The following NRCAM variants were observed in gnomAD, a reference collection of about 807,000 sequenced individuals.
The protein encoded by NRCAM is neuronal cell adhesion molecule, also known as NgCAM-related cell adhesion molecule.
Under a neutral mutation model 156.5 loss-of-function variants are expected in NRCAM, and 83 were observed. That is an observed-to-expected ratio of 0.53 (90% confidence interval 0.44 to 0.64). The LOEUF is 0.64. Among genes scored for constraint, NRCAM ranks in the 30% least tolerant of loss-of-function variants. NRCAM has a pLI of 0.00. For synonymous variants in NRCAM, 538 were observed against 563.9 expected, an observed-to-expected ratio of 0.95 and a Z score of 0.65; for missense variants, 1,417 against 1,597.3, an observed-to-expected ratio of 0.89 and a Z score of 1.92.
chr7:108,415,858 G>A (rs1230947438), intron 1 of NRCAM, among the ~76,000 whole-genome samples: 3 of 152,080 alleles, frequency 2.0e-5, no homozygotes, highest in Admixed American at 1.3e-4. Flanking sequence ...CTCCAGCCTG[G>A]GCAGCAAGAG....
At chr7:108,277,308 T>C (rs900097693) in intron 3 of NRCAM, among the ~76,000 whole-genome samples, 6 of 152,320 alleles carry the variant, frequency 3.9e-5, no homozygotes, top group Admixed American at 3.9e-4. Context: ...GAAGTTCTCC[T>C]GGATAATACC....
chr7:108,306,566 AAGT>A (rs1424541040), intron 3 of NRCAM, among the ~76,000 whole-genome samples: 1 of 152,198 alleles, frequency 6.6e-6, no homozygotes, highest in Non-Finnish European at 1.5e-5. Context: ...AAAGTTTTTA[AAGT>A]AGTAGTAGAA....
chr7:108,295,937 T>A (rs557650751), intron 3 of NRCAM, among the ~76,000 whole-genome samples: 78 of 152,238 alleles, frequency 5.1e-4, no homozygotes, highest in Non-Finnish European at 1.0e-3. Flanking sequence ...GCTTTGTATA[T>A]GGGGGGTTCT....
At chr7:108,402,805 G>A (rs1055323774) in intron 1 of NRCAM, among the ~76,000 whole-genome samples, 1 of 152,214 alleles carries the variant, frequency 6.6e-6, no homozygotes, top group African/African-American at 2.4e-5. Context: ...GCTGGTGGAT[G>A]ACCCAGGAGG....
chr7:108,197,537 A>T (rs1290215299), intron 14 of NRCAM, among the ~76,000 whole-genome samples: 2 of 152,170 alleles, frequency 1.3e-5, no homozygotes, highest in East Asian at 3.8e-4. Flanking sequence ...ATAAATGTAC[A>T]TCTGTGACAT....
chr7:108,358,279 C>T lies in NRCAM; in HGVS notation c.-174+41157G>A, dbSNP rs368865925. The stretch of plus-strand genomic sequence containing the variant: ...AAAAAAAAAGGCCTGACAGTGCATG[C>T]CTGTAGTCCCAGCTACTCGGGAGGC... On this transcript the variant is annotated intron_variant, in intron 2 of 32. Coordinates refer to ENST00000379028, the MANE Select transcript of NRCAM (RefSeq NM_001037132.4). Among the ~76,000 whole-genome samples, 32 of 150,344 alleles carry T rather than the reference C, an allele frequency of 2.1e-4. 2 individuals carry two copies. The East Asian group carries it at 5.1e-3, about 24-fold the overall frequency.
At chr7:108,306,934 G>A (rs1348333164) in intron 3 of NRCAM, among the ~76,000 whole-genome samples, 4 of 152,100 alleles carry the variant, frequency 2.6e-5, no homozygotes, top group Non-Finnish European at 4.4e-5. Flanking sequence ...CTTTTGAAAA[G>A]AATAAAAATA....
At chr7:108,331,652 T>C (rs2099128451) in intron 2 of NRCAM, among the ~76,000 whole-genome samples, 1 of 152,194 alleles carries the variant, frequency 6.6e-6, no homozygotes, top group Non-Finnish European at 1.5e-5. Context: ...ATGTAAGTAT[T>C]TCTTTTAAAT....
intron 2 of NRCAM, among the ~76,000 whole-genome samples, chr7:108,373,769 T>G (rs962452589): frequency 6.6e-6 from 1 of 152,074 alleles, no homozygotes; most frequent in Non-Finnish European, 1.5e-5. Flanking sequence ...GGTGTGTAAG[T>G]GGGTGGGCAA....
At chr7:108,230,878 G>T (rs79360208) in intron 8 of NRCAM, among the ~76,000 whole-genome samples, 153 bp downstream of exon 8, 2,318 of 152,280 alleles carry the variant, frequency 0.015, 51 homozygotes, top group African/African-American at 0.053. Context: ...AATTGAGTGA[G>T]TGAATGAGAT....
intron 24 of NRCAM, 30 bp downstream of exon 24, chr7:108,181,792 T>C: frequency 2.0e-6 from 3 of 1,508,738 alleles, no homozygotes; most frequent in South Asian, 2.3e-5. Context: ...CCTTACTAAA[T>C]AAAGCCACAA....
At chr7:108,313,721 A>G (rs1185257852) in intron 2 of NRCAM, among the ~76,000 whole-genome samples, 1 of 152,218 alleles carries the variant, frequency 6.6e-6, no homozygotes, top group Non-Finnish European at 1.5e-5. Context: ...TTTTATCAGG[A>G]CAAAATATTA....
At chr7:108,393,524 G>A (rs551907469) in intron 2 of NRCAM, among the ~76,000 whole-genome samples, 93 of 152,272 alleles carry the variant, frequency 6.1e-4, no homozygotes, top group African/African-American at 2.2e-3. Flanking sequence ...CTGACCCCTT[G>A]CGCTTCCCAG....
intron 11 of NRCAM, among the ~76,000 whole-genome samples, chr7:108,212,613 C>A (rs932984320): frequency 6.6e-6 from 1 of 152,140 alleles, no homozygotes; most frequent in Admixed American, 6.5e-5. Flanking sequence ...TCTGAAAAAT[C>A]TCAGCAATAG....
chr7:108,421,883 C>T (rs1246801174), intron 1 of NRCAM, among the ~76,000 whole-genome samples: 2 of 152,146 alleles, frequency 1.3e-5, no homozygotes, highest in Admixed American at 6.5e-5. Flanking sequence ...TGGAGATTAA[C>T]GACATACTTA....
At chr7:108,225,621 T>G in intron 10 of NRCAM, 24 bp downstream of exon 10, 1 of 1,422,050 alleles carries the variant, frequency 7.0e-7, no homozygotes, top group Non-Finnish European at 9.9e-7. Context: ...GGAGAGAATA[T>G]CAGTTACAAT....
intron 32 of NRCAM, chr7:108,156,220 A>C: frequency 2.6e-6 from 2 of 765,968 alleles, no homozygotes; most frequent in Non-Finnish European, 3.2e-6. Flanking sequence ...AGCATGGGTT[A>C]GCATGCTTGC....
Position 108,195,757 on chromosome 7 carries a change from T to G in NRCAM, c.1463+4A>C. On this transcript the variant is annotated splice_donor_region_variant and intron_variant, in intron 15 of 32. Transcript: ENST00000379028. ...ATTGAAAAACACACAGAGCTGCTACTTACCACTCGATGGTTGGGAGAGGAG... is the reference window on the plus strand; with the variant it reads ...ATTGAAAAACACACAGAGCTGCTACGTACCACTCGATGGTTGGGAGAGGAG... 3 of 1,517,754 alleles carry G rather than the reference T, an allele frequency of 2.0e-6. No individual in the cohort carries two copies. The highest frequency in any genetic ancestry group is 2.7e-6 in the Non-Finnish European group (3 of 1,092,518). The allele number at this position is 1,517,754 out of a possible 1,614,324, so 94.0% of individuals were successfully genotyped here.
At chr7:108,293,442 G>A (rs1405412581) in intron 3 of NRCAM, among the ~76,000 whole-genome samples, 1 of 152,158 alleles carries the variant, frequency 6.6e-6, no homozygotes, top group Non-Finnish European at 1.5e-5. Flanking sequence ...TGACCCATCA[G>A]AAGAGAATTG....
Sources: allele counts gnomAD v4.1 joint callset (sites outside exome capture counted in the v4.1 genomes callset), GRCh38; gene constraint gnomAD v4.1.1; transcripts MANE v1.5; gene names NCBI Gene and HGNC (gene_info 2026-07-23, HGNC 2026-07-21).